The following GOLGA4 variants were observed in gnomAD, a reference collection of about 807,000 sequenced individuals.
GOLGA4 encodes the protein golgin A4.
A neutral mutation model predicts 265.9 loss-of-function variants in GOLGA4; 169 were observed. The observed-to-expected ratio is 0.64, with a 90% CI of 0.56 to 0.72. GOLGA4 has a LOEUF of 0.72. Among genes scored for constraint, GOLGA4 ranks in the 30% least tolerant of loss-of-function variants. The pLI, the probability that GOLGA4 is intolerant of heterozygous loss-of-function variation, is 0.00. For missense variants in GOLGA4, 2,482 were observed against 2,483.4 expected, an observed-to-expected ratio of 1.00 and a Z score of 0.01; for synonymous variants, 923 against 855.8, an observed-to-expected ratio of 1.08 and a Z score of -1.37.
chr3:37,325,852 C>G lies in GOLGA4; in HGVS notation c.3966C>G (p.Ala1322=), dbSNP rs146878883. 169 of 1,613,498 alleles carry G rather than the reference C, an allele frequency of 1.0e-4. 1 individual carries two copies. In the African/African-American group the frequency reaches 2.1e-3, roughly 20 times the overall value. Residue 1322 remains alanine (A), a synonymous_variant, in exon 14 of 24, where the codon GCC becomes GCG. Transcript: ENST00000361924. ...AAAGTCTTGTAACAGAAAAAGAAGC[C>G]TTACAGAAGGAAGGAGGCAATCAGC... The part of the protein sequence containing the change: ...DIESLVTEKE[A]LQKEGGNQQQ...
intron 2 of GOLGA4, among the ~76,000 whole-genome samples, chr3:37,273,066 A>G (rs1033635290): frequency 2.0e-5 from 3 of 152,244 alleles, no homozygotes; most frequent in Non-Finnish European, 4.4e-5. Context: ...GCTAACTTCA[A>G]ATGAATGAGA....
chr3:37,262,667 C>T (rs912115163), intron 2 of GOLGA4, among the ~76,000 whole-genome samples: 7 of 151,878 alleles, frequency 4.6e-5, no homozygotes, highest in South Asian at 2.1e-4. Flanking sequence ...GTTTGGGAGG[C>T]GGAGGCAGGT....
At chr3:37,251,321 G>T in intron 1 of GOLGA4, 74 bp from the exon 2 acceptor site, 1 of 877,236 alleles carries the variant, frequency 1.1e-6, no homozygotes, top group South Asian at 1.4e-5. Flanking sequence ...CATGGACTGA[G>T]AGAAGGACTA....
intron 2 of GOLGA4, among the ~76,000 whole-genome samples, chr3:37,263,586 C>G (rs996333815): frequency 4.6e-5 from 7 of 152,150 alleles, no homozygotes; most frequent in Non-Finnish European, 1.0e-4. Context: ...GTCTCACACT[C>G]TCATATATGT....
chr3:37,281,601 C>A (rs1446105524), intron 2 of GOLGA4, among the ~76,000 whole-genome samples: 1 of 152,182 alleles, frequency 6.6e-6, no homozygotes, highest in Non-Finnish European at 1.5e-5. Flanking sequence ...TCACTACCTT[C>A]AAGGATCTCA....
chr3:37,283,310 G>A (rs2096839718), intron 3 of GOLGA4, among the ~76,000 whole-genome samples: 1 of 152,054 alleles, frequency 6.6e-6, no homozygotes, highest in African/African-American at 2.4e-5. Context: ...AGGCACTAAA[G>A]CCATGTATGT....
In GOLGA4 at chr3:37,325,161, A is replaced by C. The variant is rs1451493696; in HGVS notation, c.3275A>C (p.Lys1092Thr). 5 of 1,613,694 alleles carry C rather than the reference A, an allele frequency of 3.1e-6. No homozygotes were observed. In the African/African-American group the frequency reaches 4.0e-5, roughly 13 times the overall value. ...GGGTGTGAAAAAGAAGAGATGAACA[A>C]GGAAATAACATGGCTGAAGGAAGAA... ...LFGCEKEEMN[K>T]EITWLKEEGV... The change falls in exon 14 of 24, where the codon AAG becomes ACG. Residue 1092 changes from lysine to threonine, a missense_variant. Lys to Thr is a moderately conservative substitution (Grantham distance 78). Transcript: ENST00000361924.
At chr3:37,363,475 A>G (rs1696500791) in intron 23 of GOLGA4, among the ~76,000 whole-genome samples, 1 of 152,214 alleles carries the variant, frequency 6.6e-6, no homozygotes, top group Admixed American at 6.5e-5. Flanking sequence ...AAATAGTACA[A>G]TGAACACCCA....
At chr3:37,364,960 C>T (rs2151103427) in intron 23 of GOLGA4, among the ~76,000 whole-genome samples, 1 of 151,790 alleles carries the variant, frequency 6.6e-6, no homozygotes, top group South Asian at 2.1e-4. Context: ...TGCAGTGGTA[C>T]AGTCAGCTCA....
Position 37,325,423 on chromosome 3 carries a change from A to T in GOLGA4, c.3537A>T (p.Lys1179Asn). 6.2e-7 allele frequency: 1 copy of T among 1,611,180 alleles called. No individual in the cohort carries two copies. Among genetic ancestry groups the T allele is most frequent in the Non-Finnish European group, 8.5e-7 (1 of 1,179,132 alleles). Reference sequence around the variant, plus strand: ...TTTCTGAGTTGACTAGCAAGTTGAAAACCACAGATGAAGAATTCCAGAGTT... The same window carrying T: ...TTTCTGAGTTGACTAGCAAGTTGAATACCACAGATGAAGAATTCCAGAGTT... The part of the protein sequence containing the change: ...RKVSELTSKL[K>N]TTDEEFQSLK... The change falls in exon 14 of 24, where the codon AAA becomes AAT. Residue 1179 changes from lysine to asparagine, a missense_variant. By Grantham distance (94) the Lys-to-Asn change is moderately conservative. Around this residue, in one of 3 missense-constraint regions of GOLGA4, gnomAD observed 1,536 missense variants for 1,483.7 expected, o/e 1.04. Transcript: ENST00000361924.
intron 23 of GOLGA4, among the ~76,000 whole-genome samples, chr3:37,365,144 A>G (rs2151104195): frequency 6.6e-6 from 1 of 152,264 alleles, no homozygotes; most frequent in Non-Finnish European, 1.5e-5. Context: ...TCTTAATTCC[A>G]GATGAGACAT....
At chr3:37,290,738 A>T (rs546989105) in intron 5 of GOLGA4, among the ~76,000 whole-genome samples, 1 of 152,166 alleles carries the variant, frequency 6.6e-6, no homozygotes, top group African/African-American at 2.4e-5. Flanking sequence ...TTGGACTGGG[A>T]ATGTGTTAGT....
chr3:37,307,755 G>A (rs757216873), intron 10 of GOLGA4, among the ~76,000 whole-genome samples: 2 of 152,116 alleles, frequency 1.3e-5, no homozygotes, highest in Non-Finnish European at 2.9e-5. Flanking sequence ...CTTTTAAAAT[G>A]CAATTATTTA....
rs1340833919 is a variant in GOLGA4 at position 37,257,992 on chromosome 3, TATATGTATATATACATAC to T, written c.162+6513_162+6530del. ...ATACATACATATATATATGTATGTA[TATATGTATATATACATAC>T]ATATATATATGTATGTATATATGTA... On this transcript the variant is annotated intron_variant, in intron 2 of 23. Coordinates refer to ENST00000361924, the MANE Select transcript of GOLGA4 (RefSeq NM_002078.5). Among the ~76,000 whole-genome samples, 13 of 88,750 alleles carry T rather than the reference TATATGTATATATACATAC, an allele frequency of 1.5e-4. 1 individual carries two copies. Among genetic ancestry groups the T allele is most frequent in the African/African-American group, 6.2e-4 (11 of 17,748 alleles). 58.2% of individuals were successfully genotyped at this position (88,750 alleles called of 152,430 possible). A position where few individuals can be genotyped will look rare whatever the true frequency, so the allele number is the denominator to read the frequency against.
chr3:37,299,438 T>A, intron 9 of GOLGA4, 67 bp downstream of exon 9: 1 of 888,988 alleles, frequency 1.1e-6, no homozygotes, highest in Non-Finnish European at 1.8e-6. Flanking sequence ...TTGGAAACAG[T>A]TGGAAACATT....
chr3:37,352,395 A>G (rs897130738), intron 21 of GOLGA4, among the ~76,000 whole-genome samples: 4 of 152,014 alleles, frequency 2.6e-5, no homozygotes, highest in Non-Finnish European at 5.9e-5. Context: ...TTCACTCACT[A>G]TCACAAGAAC....
At chr3:37,338,633 A>G (rs2097022319) in intron 19 of GOLGA4, among the ~76,000 whole-genome samples, 1 of 152,150 alleles carries the variant, frequency 6.6e-6, no homozygotes, top group African/African-American at 2.4e-5. Context: ...TACACAGTTC[A>G]TTGACATTTA....
chr3:37,325,081 A>C lies in GOLGA4; in HGVS notation c.3195A>C (p.Gln1065His). The C allele has an allele frequency of 1.9e-6, 3 of 1,612,776 alleles. No homozygotes were observed. The highest frequency in any genetic ancestry group is 2.5e-6 in the Non-Finnish European group (3 of 1,179,432). The stretch of plus-strand genomic sequence containing the variant: ...AACTTCAGGAAATACATGAAATCCA[A>C]TTACAGGAAAAAGAACAAGAGGTAG... The part of the protein sequence containing the change: ...AEELQEIHEI[Q>H]LQEKEQEVAE... Residue 1065 changes from glutamine (Q) to histidine (H), a missense_variant, in exon 14 of 24, where the codon CAA (glutamine) becomes CAC (histidine). Physicochemically the swap from Gln to His is conservative, Grantham distance 24. Around this residue, in one of 3 missense-constraint regions of GOLGA4, gnomAD observed 1,536 missense variants for 1,483.7 expected, o/e 1.04. Coordinates refer to ENST00000361924, the MANE Select transcript of GOLGA4 (RefSeq NM_002078.5).
intron 9 of GOLGA4, among the ~76,000 whole-genome samples, chr3:37,300,566 C>CCA (rs201709255): frequency 0.014 from 2,101 of 152,034 alleles, 47 homozygotes; most frequent in African/African-American, 0.049. Context: ...TTTGAACCCA[C>CCA]CACCCCGCTT....
Sources: gnomAD v4.1 joint callset for allele counts (sites outside exome capture counted in the v4.1 genomes callset) on GRCh38, gnomAD v4.1.1 for gene constraint, gnomAD v4.1.1 regional missense constraint, MANE v1.5 for transcripts, NCBI Gene and HGNC (gene_info 2026-07-23, HGNC 2026-07-21) for gene names.